The following ARHGAP28 variants were observed in gnomAD, a reference collection of about 807,000 sequenced individuals.
The protein encoded by ARHGAP28 is rho GTPase-activating protein 28.
In ARHGAP28, 56 loss-of-function variants were observed where a neutral mutation model predicts 90.7. The ratio of observed to expected loss-of-function variants is 0.62; its 90% CI spans 0.50 to 0.77. The LOEUF is 0.77. Among genes scored for constraint, ARHGAP28 ranks in the 30% least tolerant of loss-of-function variants. The pLI is 0.00. For synonymous variants in ARHGAP28, 308 were observed against 323.3 expected, an observed-to-expected ratio of 0.95 and a Z score of 0.51; for missense variants, 869 against 900.9, an observed-to-expected ratio of 0.96 and a Z score of 0.45.
chr18:6,797,664 CTTT>C (rs1396144186), intron 1 of ARHGAP28, among the ~76,000 whole-genome samples: 3 of 141,652 alleles, frequency 2.1e-5, no homozygotes, highest in African/African-American at 2.6e-5. Context: ...TTTAGAAACG[CTTT>C]TTTTTTTTTT....
rs368147270 is a variant in ARHGAP28 at position 6,890,022 on chromosome 18, G to C, written c.1671G>C (p.Leu557=). ...AACACTCTGATTATGAAGAATTACT[G>C]TTAGCAAACACTGCGGCCCACATCA... ...RSKHSDYEEL[L]LANTAAHIIR... is the part of the protein sequence containing the mutation. The change falls in exon 13 of 18, where the codon CTG becomes CTC. Residue 557 remains leucine, a synonymous_variant. Coordinates refer to ENST00000383472, the MANE Select transcript of ARHGAP28 (RefSeq NM_001366230.1). 6.2e-7 allele frequency: 1 copy of C among 1,614,104 alleles called. No individual in the cohort carries two copies. The highest frequency in any genetic ancestry group is 1.3e-5 in the African/African-American group (1 of 74,940).
chr18:6,762,253 G>C (rs1193490680), intron 1 of ARHGAP28, among the ~76,000 whole-genome samples: 1 of 152,096 alleles, frequency 6.6e-6, no homozygotes, highest in Non-Finnish European at 1.5e-5. Context: ...TAAAATACAA[G>C]TTCAACCATG....
rs113363579 is a variant in ARHGAP28, at chr18:6,888,955, C to G, written c.1537-933C>G. Among the ~76,000 whole-genome samples, 1,256 of 152,292 alleles carry G rather than the reference C, an allele frequency of 8.2e-3. 24 individuals carry two copies. The highest frequency in any genetic ancestry group is 0.029 in the African/African-American group (1,190 of 41,544). ...GCTCTGCCACTTAAGCTGAACAAAG[C>G]TGCTCAGCCGCACTCCACCTCGGTC... On this transcript the variant is annotated intron_variant, in intron 12 of 17. Coordinates refer to ENST00000383472, the MANE Select transcript of ARHGAP28 (RefSeq NM_001366230.1).
intron 3 of ARHGAP28, among the ~76,000 whole-genome samples, chr18:6,844,998 A>C (rs1366273515): frequency 6.6e-6 from 1 of 152,248 alleles, no homozygotes; most frequent in Non-Finnish European, 1.5e-5. Context: ...GGATGAGCTT[A>C]TAATGGAAAA....
chr18:6,889,173 A>G (rs1467263824), intron 12 of ARHGAP28, among the ~76,000 whole-genome samples: 1 of 152,180 alleles, frequency 6.6e-6, no homozygotes, highest in African/African-American at 2.4e-5. Context: ...GGAAAACCAA[A>G]GAGCACTTCT....
chr18:6,817,196 C>T (rs1306086590), intron 1 of ARHGAP28, among the ~76,000 whole-genome samples: 2 of 151,914 alleles, frequency 1.3e-5, no homozygotes, highest in South Asian at 2.1e-4. Flanking sequence ...TGCCTATAAT[C>T]CCAGCTACTC....
chr18:6,756,540 G>T (rs113475483), intron 1 of ARHGAP28, among the ~76,000 whole-genome samples: 166 of 152,182 alleles, frequency 1.1e-3, no homozygotes, highest in African/African-American at 3.6e-3. Context: ...CATTTACATT[G>T]AAAAAATGTT....
chr18:6,870,920 C>A (rs1304425281), intron 7 of ARHGAP28, among the ~76,000 whole-genome samples, 188 bp downstream of exon 7: 1 of 152,112 alleles, frequency 6.6e-6, no homozygotes, highest in African/African-American at 2.4e-5. Context: ...CCTGCCTCAG[C>A]CTCCCGAGTA....
intron 16 of ARHGAP28, among the ~76,000 whole-genome samples, chr18:6,901,316 G>A (rs1428270381): frequency 6.6e-5 from 10 of 152,116 alleles, no homozygotes. Flanking sequence ...CTCAGTGTAT[G>A]TAGAGGACAC....
rs183934725 is a variant in ARHGAP28 at position 6,746,615 on chromosome 18, T to G, written c.122+16672T>G. Among the ~76,000 whole-genome samples the G allele has an allele frequency of 1.2e-4, 18 of 152,312 alleles. No individual in the cohort carries two copies. The East Asian group carries it at 3.3e-3, about 28-fold the overall frequency. Reference sequence around the variant, plus strand: ...ACCTGGGGTTGCACCTGTTACAATCTCTCATTTTTAAGTGAAAACACTGAG... The same window carrying G: ...ACCTGGGGTTGCACCTGTTACAATCGCTCATTTTTAAGTGAAAACACTGAG... On this transcript the variant is annotated intron_variant, in intron 1 of 17. Transcript: ENST00000383472.
intron 1 of ARHGAP28, among the ~76,000 whole-genome samples, chr18:6,815,079 A>C (rs1179209218): frequency 6.6e-6 from 1 of 152,224 alleles, no homozygotes; most frequent in East Asian, 1.9e-4. Context: ...ATAATGTGTT[A>C]AGAGTCACTT....
chr18:6,827,523 CGGCTGACCGGGCGGGG>C (rs2143796487), intron 2 of ARHGAP28, among the ~76,000 whole-genome samples: 1 of 137,004 alleles, frequency 7.3e-6, no homozygotes, highest in African/African-American at 2.8e-5. Flanking sequence ...CCGGACGGGG[CGGCTGACCGGGCGGGG>C]GGCTGACCCC....
chr18:6,881,512 G>C (rs577708830), intron 10 of ARHGAP28, among the ~76,000 whole-genome samples: 1 of 152,328 alleles, frequency 6.6e-6, no homozygotes, highest in South Asian at 2.1e-4. Flanking sequence ...CGGAGGCTTA[G>C]AGGTTTTTTT....
intron 3 of ARHGAP28, among the ~76,000 whole-genome samples, chr18:6,847,815 T>C (rs577159558): frequency 4.4e-4 from 67 of 152,188 alleles, no homozygotes; most frequent in African/African-American, 1.6e-3. Context: ...CAGCAAATAG[T>C]CCTACCCATG....
chr18:6,763,367 G>A (rs548721496), intron 1 of ARHGAP28, among the ~76,000 whole-genome samples: 56 of 152,214 alleles, frequency 3.7e-4, no homozygotes, highest in African/African-American at 1.3e-3. Flanking sequence ...ACAAGTATGA[G>A]CCACCACTCC....
intron 1 of ARHGAP28, among the ~76,000 whole-genome samples, chr18:6,779,447 C>T (rs1279532569): frequency 6.6e-6 from 1 of 152,222 alleles, no homozygotes; most frequent in Non-Finnish European, 1.5e-5. Context: ...AACAAAATTG[C>T]AGGAGCCTTT....
chr18:6,887,086 G>A lies in ARHGAP28; in HGVS notation c.1454-71G>A, dbSNP rs542601336. 6.4e-6 allele frequency: 9 copies of A among 1,396,330 alleles called. No homozygotes were observed. In the East Asian group the frequency reaches 1.9e-4, roughly 29 times the overall value. 86.5% of individuals were successfully genotyped at this position (1,396,330 alleles called of 1,614,324 possible). A position where few individuals can be genotyped will look rare whatever the true frequency, so the allele number is the denominator to read the frequency against. On this transcript the variant is annotated intron_variant, in intron 11 of 17. Transcript: ENST00000383472. ...CAGGAGCCCTCCTGTGCCACCAGAT[G>A]CTAGCAAGAAATGCTGTCAGGATGC...
rs1199021275 is a variant in ARHGAP28 at position 6,837,360 on chromosome 18, G to T, written c.489G>T (p.Lys163Asn). Residue 163 changes from lysine (K) to asparagine (N), a missense_variant, in exon 3 of 18, where the codon AAG (lysine) becomes AAT (asparagine). Coordinates refer to ENST00000383472, the MANE Select transcript of ARHGAP28 (RefSeq NM_001366230.1). ...YHTYTQTMRK[K>N]DKQSIRDVRD... ...CCTATACCCAAACCATGAGGAAAAAGGATAAGCAATCTATCAGGGATGTCA... is the reference window on the plus strand; with the variant it reads ...CCTATACCCAAACCATGAGGAAAAATGATAAGCAATCTATCAGGGATGTCA... 1 of 1,613,864 alleles carries T rather than the reference G, an allele frequency of 6.2e-7. No homozygotes were observed. Among genetic ancestry groups the T allele is most frequent in the Admixed American group, 1.7e-5 (1 of 59,988 alleles).
intron 1 of ARHGAP28, among the ~76,000 whole-genome samples, chr18:6,797,940 A>G (rs1053554837): frequency 2.6e-5 from 4 of 152,062 alleles, no homozygotes; most frequent in African/African-American, 4.8e-5. Flanking sequence ...GATTACAGGC[A>G]TGAGCCACTG....
Sources: gnomAD v4.1 joint callset for allele counts (sites outside exome capture counted in the v4.1 genomes callset) on GRCh38, gnomAD v4.1.1 for gene constraint, MANE v1.5 for transcripts, NCBI Gene and HGNC (gene_info 2026-07-23, HGNC 2026-07-21) for gene names.